Variants in SLC44A5 observed in about 807,000 individuals in gnomAD.
The protein encoded by SLC44A5 is solute carrier family 44 member 5.
A neutral mutation model predicts 101.8 loss-of-function variants in SLC44A5; 57 were observed. The observed-to-expected ratio is 0.56, with a 90% CI of 0.45 to 0.70. The LOEUF (loss-of-function observed/expected upper bound fraction) is 0.70, where lower values mean the gene tolerates loss of function less well. Among genes scored for constraint, SLC44A5 ranks in the 30% least tolerant of loss-of-function variants. SLC44A5 has a pLI of 0.00. For missense variants in SLC44A5, 737 were observed against 853.1 expected (o/e 0.86, Z 1.70); for synonymous variants, 281 against 290.9 (o/e 0.97, Z 0.35).
intron 1 of SLC44A5, among the ~76,000 whole-genome samples, chr1:75,603,389 G>A (rs1675108657): frequency 1.3e-5 from 2 of 151,444 alleles, no homozygotes; most frequent in Admixed American, 1.3e-4. Context: ...ACTGTTGATG[G>A]GCACCTAGGT....
intron 2 of SLC44A5, among the ~76,000 whole-genome samples, chr1:75,537,033 A>AAAAAAATATATAT (rs35829590): frequency 4.2e-4 from 18 of 43,034 alleles, no homozygotes; most frequent in African/African-American, 4.9e-4. Context: ...AAAAAAAAAA[A>AAAAAAATATATAT]ATATATATCT....
chr1:75,695,902 T>C, the SLC44A5 span, among the ~76,000 whole-genome samples: 1 of 151,072 alleles, frequency 6.6e-6, no homozygotes, highest in Admixed American at 6.6e-5. Context: ...TTCCTGACAT[T>C]AGAGAATGGG....
chr1:75,585,459 A>C (rs1673938705), intron 1 of SLC44A5, among the ~76,000 whole-genome samples: 1 of 152,250 alleles, frequency 6.6e-6, no homozygotes, highest in South Asian at 2.1e-4. Context: ...TACAAAAAGA[A>C]TACCCACTTC....
In SLC44A5 at chr1:75,553,557, C is replaced by CA. The variant is rs1392393300; in HGVS notation, c.-69-12042dup. ...TCCCCAGAATACCAAGCCTAAGACA[C>CA]AAAAAATGTAACTTAAGGTCCAGAG... On this transcript the variant is annotated intron_variant, in intron 1 of 23. Transcript: ENST00000370859. Among the ~76,000 whole-genome samples, 8 of 151,956 alleles carry CA rather than the reference C, an allele frequency of 5.3e-5. No individual in the cohort carries two copies. In the East Asian group the frequency reaches 7.7e-4, roughly 15 times the overall value.
At chr1:75,429,162 C>T (rs1383697553) in intron 2 of SLC44A5, among the ~76,000 whole-genome samples, 2 of 152,168 alleles carry the variant, frequency 1.3e-5, no homozygotes, top group Non-Finnish European at 2.9e-5. Context: ...AATATTTAAA[C>T]AACTAACTAC....
intron 5 of SLC44A5, among the ~76,000 whole-genome samples, chr1:75,296,017 C>T (rs973626692): frequency 9.2e-5 from 14 of 152,092 alleles, no homozygotes; most frequent in African/African-American, 3.4e-4. Context: ...TATTCTCTAC[C>T]TTATTCTACG....
At chr1:75,389,382 T>A (rs1661632428) in intron 3 of SLC44A5, among the ~76,000 whole-genome samples, 1 of 152,228 alleles carries the variant, frequency 6.6e-6, no homozygotes, top group Non-Finnish European at 1.5e-5. Context: ...TCTTCTCATG[T>A]GCATATGGAA....
the SLC44A5 span, among the ~76,000 whole-genome samples, chr1:75,676,382 AC>A: frequency 6.6e-6 from 1 of 152,202 alleles, no homozygotes; most frequent in Admixed American, 6.5e-5. Flanking sequence ...ATAAAAAGGA[AC>A]AAGATCATGT....
At chr1:75,272,483 A>T (rs760300571) in intron 6 of SLC44A5, among the ~76,000 whole-genome samples, 38 of 151,634 alleles carry the variant, frequency 2.5e-4, no homozygotes, top group Admixed American at 1.4e-3. Flanking sequence ...TGTCCAGAAG[A>T]GTTTTTCCAA....
the SLC44A5 span, among the ~76,000 whole-genome samples, chr1:75,617,106 C>T: frequency 1.7e-4 from 26 of 152,164 alleles, no homozygotes; most frequent in African/African-American, 5.5e-4. Flanking sequence ...TAAAAAGAAA[C>T]GCTTAAAGGG....
chr1:75,229,101 A>C (rs1247447981), intron 12 of SLC44A5, among the ~76,000 whole-genome samples: 1 of 151,730 alleles, frequency 6.6e-6, no homozygotes, highest in East Asian at 2.0e-4. Context: ...TCTGTCTCTC[A>C]TAGCTGCATT....
At chr1:75,716,941 G>A in the SLC44A5 span, among the ~76,000 whole-genome samples, 4 of 152,004 alleles carry the variant, frequency 2.6e-5, no homozygotes, top group Non-Finnish European at 4.4e-5. Flanking sequence ...GGCTGAGGCA[G>A]GAGAATCGTT....
At chr1:75,210,990 T>C (rs991080795) in intron 23 of SLC44A5, among the ~76,000 whole-genome samples, 2 of 152,180 alleles carry the variant, frequency 1.3e-5, no homozygotes, top group South Asian at 2.1e-4. Context: ...CTAATGAACA[T>C]GTCCATAACC....
At chr1:75,543,381 C>T (rs1476908245) in intron 1 of SLC44A5, among the ~76,000 whole-genome samples, 1 of 151,930 alleles carries the variant, frequency 6.6e-6, no homozygotes, top group African/African-American at 2.4e-5. Context: ...GCCTCATTGT[C>T]ATTCCTCTCC....
upstream of SLC44A5, among the ~76,000 whole-genome samples, chr1:75,614,989 G>A (rs912828725): frequency 5.3e-5 from 8 of 152,056 alleles, no homozygotes; most frequent in Admixed American, 2.6e-4. Context: ...CTCCCCGCGC[G>A]CCGGCTCTGC....
the SLC44A5 span, among the ~76,000 whole-genome samples, chr1:75,701,996 T>G: frequency 1.3e-5 from 2 of 151,766 alleles, no homozygotes; most frequent in Non-Finnish European, 2.9e-5. Flanking sequence ...CACTGCTCAA[T>G]GAAATAAAAG....
intron 7 of SLC44A5, 83 bp downstream of exon 7, chr1:75,251,127 G>T (rs559262718): frequency 1.2e-5 from 13 of 1,091,992 alleles, no homozygotes; most frequent in Non-Finnish European, 1.8e-5. Flanking sequence ...CACACACAGA[G>T]AACTCAAATG....
At chr1:75,615,998 G>A (rs528265795), upstream of SLC44A5, 3,215 of 566,550 alleles carry the variant, frequency 5.7e-3, 11 homozygotes, top group Non-Finnish European at 6.4e-3. Flanking sequence ...TTGTTGCTGT[G>A]ATGGCATCTG....
chr1:75,644,291 G>A, the SLC44A5 span, among the ~76,000 whole-genome samples: 1 of 151,988 alleles, frequency 6.6e-6, no homozygotes, highest in Non-Finnish European at 1.5e-5. Flanking sequence ...TTAACCATAT[G>A]TGCATTTATG....
Sources: gnomAD v4.1 joint callset for allele counts (sites outside exome capture counted in the v4.1 genomes callset) on GRCh38, gnomAD v4.1.1 for gene constraint, MANE v1.5 for transcripts, NCBI Gene and HGNC (gene_info 2026-07-23, HGNC 2026-07-21) for gene names.